The following PPP2R2B variants were observed in gnomAD, a reference collection of about 807,000 sequenced individuals.
PPP2R2B encodes the protein protein phosphatase 2 regulatory subunit Bbeta, also known as serine/threonine-protein phosphatase 2A 55 kDa regulatory subunit B beta isoform.
In PPP2R2B, 5 loss-of-function variants were observed where a neutral mutation model predicts 46.0. The observed-to-expected ratio is 0.11, with a 90% CI of 0.06 to 0.23. PPP2R2B has a LOEUF of 0.23. Among genes scored for constraint, PPP2R2B ranks in the 10% least tolerant of loss-of-function variants. The probability of loss-of-function intolerance (pLI) is 1.00; values close to 1 mark genes in which losing one functional copy is unlikely to be tolerated. For synonymous variants in PPP2R2B, 215 were observed against 206.7 expected (o/e 1.04, Z -0.34); for missense variants, 367 against 575.0 (o/e 0.64, Z 3.70).
intron 2 of PPP2R2B, among the ~76,000 whole-genome samples, chr5:146,786,962 G>C (rs1025570253): frequency 6.6e-6 from 1 of 152,044 alleles, no homozygotes; most frequent in Admixed American, 6.6e-5. Flanking sequence ...AAGGCTTTAG[G>C]GTTTATCTTG....
At chr5:146,927,132 T>C (rs912842625) in intron 1 of PPP2R2B, among the ~76,000 whole-genome samples, 1 of 152,278 alleles carries the variant, frequency 6.6e-6, no homozygotes, top group African/African-American at 2.4e-5. Context: ...TCCTGAGTGA[T>C]GTCCCATGAT....
chr5:146,721,916 C>CT (rs1325022574), intron 2 of PPP2R2B, among the ~76,000 whole-genome samples: 1 of 152,164 alleles, frequency 6.6e-6, no homozygotes, highest in Non-Finnish European at 1.5e-5. Flanking sequence ...TTAACAGGAA[C>CT]ACTACTAATA....
chr5:147,042,044 T>C (rs777074674), intron 1 of PPP2R2B, among the ~76,000 whole-genome samples: 1 of 152,164 alleles, frequency 6.6e-6, no homozygotes, highest in Non-Finnish European at 1.5e-5. Context: ...GATAAGATAC[T>C]GTGGCGAGCT....
chr5:147,052,457 A>T (rs1171003024), intron 1 of PPP2R2B, among the ~76,000 whole-genome samples: 1 of 152,186 alleles, frequency 6.6e-6, no homozygotes. Context: ...GTTTGCTCAT[A>T]ATGACAAATT....
chr5:146,683,340 A>C (rs1778295267), intron 5 of PPP2R2B, among the ~76,000 whole-genome samples: 1 of 152,200 alleles, frequency 6.6e-6, no homozygotes, highest in Non-Finnish European at 1.5e-5. Flanking sequence ...ATTCTATTTT[A>C]GTACAAGAGG....
chr5:146,622,467 C>T (rs1010264400), intron 7 of PPP2R2B, among the ~76,000 whole-genome samples: 2 of 152,158 alleles, frequency 1.3e-5, no homozygotes, highest in African/African-American at 2.4e-5. Flanking sequence ...CACTATTGAC[C>T]ACTATGATAT....
chr5:146,886,608 G>A (rs1395069859), intron 1 of PPP2R2B, among the ~76,000 whole-genome samples: 1 of 151,896 alleles, frequency 6.6e-6, no homozygotes, highest in African/African-American at 2.4e-5. Context: ...CTTAAAAGTA[G>A]TGACAAAGAT....
chr5:146,796,138 T>C (rs1001817794), intron 2 of PPP2R2B, among the ~76,000 whole-genome samples: 1 of 152,142 alleles, frequency 6.6e-6, no homozygotes, highest in African/African-American at 2.4e-5. Context: ...TATAAAAATG[T>C]CATTGCAATG....
At chr5:146,792,152 G>A (rs1756241923) in intron 2 of PPP2R2B, among the ~76,000 whole-genome samples, 1 of 152,194 alleles carries the variant, frequency 6.6e-6, no homozygotes, top group South Asian at 2.1e-4. Flanking sequence ...GGGTAACATA[G>A]CTAGGCTCTA....
intron 7 of PPP2R2B, among the ~76,000 whole-genome samples, chr5:146,633,302 G>A (rs943727035): frequency 1.3e-5 from 2 of 152,226 alleles, no homozygotes; most frequent in African/African-American, 4.8e-5. Context: ...CCTTCTCAGA[G>A]CTCATCTCCA....
Position 146,963,292 on chromosome 5 carries a change from G to A in PPP2R2B, c.79+92373C>T, listed in dbSNP as rs148931318. Among the ~76,000 whole-genome samples the A allele has an allele frequency of 1.8e-3, 272 of 152,216 alleles. 3 individuals carry two copies. Among genetic ancestry groups the A allele is most frequent in the African/African-American group, 6.0e-3 (248 of 41,530 alleles). ...TGTAGTGAAACATTGGGCTGACATC[G>A]CCTAGGGAATTTCATGTGAAAATTC... On this transcript the variant is annotated intron_variant, in intron 1 of 8. Transcript: ENST00000336640.
intron 2 of PPP2R2B, among the ~76,000 whole-genome samples, chr5:146,731,682 C>A (rs1752239125): frequency 6.6e-6 from 1 of 152,192 alleles, no homozygotes; most frequent in South Asian, 2.1e-4. Flanking sequence ...TGAAGAAAAT[C>A]TTTCCACTTT....
At chr5:146,706,487 G>T in intron 2 of PPP2R2B, 1 of 1,191,360 alleles carries the variant, frequency 8.4e-7, no homozygotes, top group Non-Finnish European at 1.2e-6. Context: ...GGGTCAGCTT[G>T]ATGTTCATCA....
intron 5 of PPP2R2B, among the ~76,000 whole-genome samples, chr5:146,654,913 A>G (rs1056702972): frequency 2.0e-5 from 3 of 152,322 alleles, no homozygotes; most frequent in Non-Finnish European, 2.9e-5. Context: ...GACAAAATTC[A>G]GATCAGGCCA....
At position 146,587,132 on chromosome 5, in the gene PPP2R2B, T is replaced by C. The variant is rs1336123916; in HGVS notation, c.*2815A>G. On this transcript the variant is annotated 3_prime_UTR_variant, in exon 10 of 10. Transcript: ENST00000394411. ...GGTAGCAAATCAGCCTTCAAGTAGTTTTTAGTGTCAGCAGGAAAACAGACT... is the reference window on the plus strand; with the variant it reads ...GGTAGCAAATCAGCCTTCAAGTAGTCTTTAGTGTCAGCAGGAAAACAGACT... The C allele has an allele frequency of 1.3e-5, 2 of 152,220 alleles. No homozygotes were observed. Among genetic ancestry groups the C allele is most frequent in the African/African-American group, 4.8e-5 (2 of 41,450 alleles). 9.4% of individuals were successfully genotyped at this position (152,220 alleles called of 1,614,324 possible). A position where few individuals can be genotyped will look rare whatever the true frequency, so the allele number is the denominator to read the frequency against.
At chr5:146,916,395 CAG>C (rs1264434410) in intron 1 of PPP2R2B, among the ~76,000 whole-genome samples, 21 of 150,422 alleles carry the variant, frequency 1.4e-4, no homozygotes, top group African/African-American at 5.1e-4. Context: ...GAATGCTGGG[CAG>C]AGAGTGACAG....
rs1255357842 is a variant in PPP2R2B at position 147,018,041 on chromosome 5, GCGCA to G, written c.79+37620_79+37623del. On this transcript the variant is annotated intron_variant, in intron 1 of 8. Transcript: ENST00000336640. ...GTCTACGACACACACATGCATGCGC[GCGCA>G]CACACACACACACACACACACACAC... Among the ~76,000 whole-genome samples, 59 of 16,926 alleles carry G rather than the reference GCGCA, an allele frequency of 3.5e-3. 1 individual carries two copies. Among genetic ancestry groups the G allele is most frequent in the African/African-American group, 5.9e-3 (35 of 5,980 alleles). The allele number at this position is 16,926 out of a possible 152,430, so 11.1% of individuals were successfully genotyped here. A position where few individuals can be genotyped will look rare whatever the true frequency, so the allele number is the denominator to read the frequency against.
intron 2 of PPP2R2B, among the ~76,000 whole-genome samples, chr5:146,740,011 T>TGCATTTAG (rs1752769114): frequency 6.6e-6 from 1 of 152,006 alleles, no homozygotes; most frequent in Non-Finnish European, 1.5e-5. Context: ...GTTTTAGGAG[T>TGCATTTAG]GAGATATTAT....
intron 8 of PPP2R2B, among the ~76,000 whole-genome samples, chr5:146,597,156 A>G (rs1178225671): frequency 3.3e-5 from 5 of 151,998 alleles, no homozygotes; most frequent in African/African-American, 1.2e-4. Flanking sequence ...TGAGTCCCTA[A>G]TCCTCATCCC....
Sources: allele counts gnomAD v4.1 joint callset (sites outside exome capture counted in the v4.1 genomes callset), GRCh38; gene constraint gnomAD v4.1.1; transcripts MANE v1.5; gene names NCBI Gene and HGNC (gene_info 2026-07-23, HGNC 2026-07-21).